Variants in CLUAP1 observed in about 807,000 individuals in gnomAD.
The protein encoded by CLUAP1 is intraflagellar transport 38.
In CLUAP1, 50 loss-of-function variants were observed where a neutral mutation model predicts 55.0. The observed-to-expected ratio is 0.91, with a 90% CI of 0.72 to 1.15. The LOEUF (loss-of-function observed/expected upper bound fraction) is 1.15, where lower values mean the gene tolerates loss of function less well. Ranked by LOEUF, CLUAP1 falls within the 50% of genes most tolerant of loss-of-function variation. The pLI is 0.00. For synonymous variants in CLUAP1, 195 were observed against 175.4 expected (o/e 1.11, Z -0.88); for missense variants, 530 against 507.6 (o/e 1.04, Z -0.42).
At chr16:3,496,868 C>CCTTTCT, upstream of CLUAP1, 1 of 264,784 alleles carries the variant, frequency 3.8e-6, no homozygotes. Flanking sequence ...TTCTTTTTTT[C>CCTTTCT]TTTTCTTTTT....
At chr16:3,511,597 G>C (rs1872014325) in intron 4 of CLUAP1, among the ~76,000 whole-genome samples, 1 of 152,184 alleles carries the variant, frequency 6.6e-6, no homozygotes, top group South Asian at 2.1e-4. Context: ...CTGTCCCTTT[G>C]TGTGGCCGCT....
chr16:3,510,979 G>A (rs2037613847), intron 4 of CLUAP1, among the ~76,000 whole-genome samples: 1 of 152,204 alleles, frequency 6.6e-6, no homozygotes, highest in Non-Finnish European at 1.5e-5. Context: ...AAAGCCTTGA[G>A]GGTAGGAGCA....
In CLUAP1 at chr16:3,526,345, G is replaced by A. The variant is rs140345617; in HGVS notation, c.856-67G>A. 3.7e-4 allele frequency: 395 copies of A among 1,063,106 alleles called. 5 individuals carry two copies. In the East Asian group the frequency reaches 9.2e-3, roughly 25 times the overall value. 65.9% of individuals were successfully genotyped at this position (1,063,106 alleles called of 1,614,324 possible). A position where few individuals can be genotyped will look rare whatever the true frequency, so the allele number is the denominator to read the frequency against. ...ACAAACTTAGCAGTCCTTACACAGT[G>A]GTGAAGAAGAATAGAACAGTCCAGA... On this transcript the variant is annotated intron_variant, in intron 8 of 11. Coordinates refer to ENST00000576634, the MANE Select transcript of CLUAP1 (RefSeq NM_015041.3).
intron 1 of CLUAP1, 38 bp downstream of exon 1, chr16:3,501,127 C>G (rs1214076828): frequency 1.3e-6 from 2 of 1,568,138 alleles, no homozygotes; most frequent in East Asian, 2.3e-5. Context: ...TGCGGGTCTT[C>G]CAGAGATTCA....
chr16:3,529,842 A>G (rs190324585), intron 9 of CLUAP1, among the ~76,000 whole-genome samples: 2 of 44,888 alleles, frequency 4.5e-5, no homozygotes, highest in African/African-American at 1.0e-4. Flanking sequence ...ATAATATATT[A>G]TATAATATAT....
chr16:3,501,031 G>A lies in CLUAP1; in HGVS notation c.-37G>A. ...TGGGCCTGTGATCGCTGAGGGGCGAGCAGTTGCGACCCTGGGCTCCTGGGG... is the reference window on the plus strand; with the variant it reads ...TGGGCCTGTGATCGCTGAGGGGCGAACAGTTGCGACCCTGGGCTCCTGGGG... On this transcript the variant is annotated 5_prime_UTR_variant, in exon 1 of 12. Coordinates refer to ENST00000576634, the MANE Select transcript of CLUAP1 (RefSeq NM_015041.3). 6.3e-7 allele frequency: 1 copy of A among 1,593,760 alleles called. No individual in the cohort carries two copies. The highest frequency in any genetic ancestry group is 8.5e-7 in the Non-Finnish European group (1 of 1,172,676).
intron 4 of CLUAP1, among the ~76,000 whole-genome samples, chr16:3,509,385 G>A (rs1034289449): frequency 2.0e-5 from 3 of 152,196 alleles, no homozygotes; most frequent in African/African-American, 2.4e-5. Context: ...GGTGGGAATC[G>A]TTGGGATCCA....
At chr16:3,528,944 T>TA (rs2038001929) in intron 9 of CLUAP1, among the ~76,000 whole-genome samples, 1 of 152,164 alleles carries the variant, frequency 6.6e-6, no homozygotes, top group Admixed American at 6.5e-5. Flanking sequence ...ATTAATGTCT[T>TA]AGTCTGTTTT....
Position 3,530,594 on chromosome 16 carries a change from C to G in CLUAP1, c.955C>G (p.Gln319Glu), listed in dbSNP as rs2038094713. Reference protein sequence around the residue: ...GSNDDSDIDIQEDDESDSELE... With the variant: ...GSNDDSDIDIEEDDESDSELE... ...TAACGATGACTCGGACATAGACATCCAGGAGGACGATGAATCCGACAGTGA... is the reference window on the plus strand; with the variant it reads ...TAACGATGACTCGGACATAGACATCGAGGAGGACGATGAATCCGACAGTGA... The change falls in exon 10 of 12, where the codon CAG becomes GAG. Residue 319 changes from glutamine (Q) to glutamate (E), a missense_variant. Gln to Glu is a conservative substitution (Grantham distance 29, BLOSUM62 2). Coordinates refer to ENST00000576634, the MANE Select transcript of CLUAP1 (RefSeq NM_015041.3). 1 of 1,613,902 alleles carries G rather than the reference C, an allele frequency of 6.2e-7. No individual in the cohort carries two copies. The highest frequency in any genetic ancestry group is 1.1e-5 in the South Asian group (1 of 91,062).
chr16:3,496,010 G>C (rs553249767), upstream of CLUAP1, among the ~76,000 whole-genome samples: 37 of 152,178 alleles, frequency 2.4e-4, no homozygotes, highest in South Asian at 2.3e-3. Context: ...GCGTCGTGGC[G>C]GGAGCCTGTA....
At chr16:3,508,680 C>T (rs908595989) in intron 4 of CLUAP1, among the ~76,000 whole-genome samples, 1 of 152,204 alleles carries the variant, frequency 6.6e-6, no homozygotes. Flanking sequence ...AGGTAGCATT[C>T]AAGCGCTGAG....
At chr16:3,516,731 A>G (rs2037736344) in intron 6 of CLUAP1, among the ~76,000 whole-genome samples, 2 of 152,240 alleles carry the variant, frequency 1.3e-5, no homozygotes, top group Non-Finnish European at 2.9e-5. Flanking sequence ...ACATACACGT[A>G]GAGACACCCA....
chr16:3,527,817 C>A (rs1184943319), intron 9 of CLUAP1, among the ~76,000 whole-genome samples: 1 of 152,124 alleles, frequency 6.6e-6, no homozygotes, highest in Non-Finnish European at 1.5e-5. Flanking sequence ...TGTCTCTCTG[C>A]CTCAGCTGCC....
rs777223161 is a variant in CLUAP1 at position 3,532,772 on chromosome 16, TTTG to T, written c.1037-8_1037-6del. Reference sequence around the variant, plus strand: ...AAGATTTTTATGACTTCTTCATGCTTTTGTTGTTCTCAGGAAGACCTGGCAAAC... The same window carrying T: ...AAGATTTTTATGACTTCTTCATGCTTTTGTTCTCAGGAAGACCTGGCAAAC... On this transcript the variant is annotated splice_polypyrimidine_tract_variant and intron_variant, in intron 10 of 11. Transcript: ENST00000576634. 5.0e-6 allele frequency: 8 copies of T among 1,613,848 alleles called. No individual in the cohort carries two copies. The African/African-American group carries it at 1.1e-4, about 22-fold the overall frequency.
At chr16:3,511,820 C>T (rs116592065) in intron 4 of CLUAP1, among the ~76,000 whole-genome samples, 2,648 of 152,258 alleles carry the variant, frequency 0.017, 88 homozygotes, top group African/African-American at 0.057. Flanking sequence ...TGGGGAAGCA[C>T]ATGTTTGTGG....
Position 3,508,365 on chromosome 16 carries a change from A to G in CLUAP1, c.296A>G (p.Lys99Arg), listed in dbSNP as rs912929687. Residue 99 changes from lysine (K) to arginine (R), a missense_variant, in exon 4 of 12, where the codon AAG (lysine) becomes AGG (arginine). Lys to Arg is a conservative substitution (Grantham distance 26). Transcript: ENST00000576634. The stretch of plus-strand genomic sequence containing the variant: ...GGGTATGCGGTAAAAGAGCTGCTGA[A>G]GATCACATCTGTCCTTTATAATGCT... ...ADGYAVKELLKITSVLYNAMK... is the reference protein window; with the variant it reads ...ADGYAVKELLRITSVLYNAMK... 17 of 1,610,656 alleles carry G rather than the reference A, an allele frequency of 1.1e-5. No individual in the cohort carries two copies. Among genetic ancestry groups the G allele is most frequent in the African/African-American group, 1.3e-5 (1 of 74,690 alleles).
chr16:3,503,591 C>T (rs1020658644), intron 1 of CLUAP1, among the ~76,000 whole-genome samples: 9 of 150,092 alleles, frequency 6.0e-5, no homozygotes, highest in Non-Finnish European at 1.2e-4. Context: ...CCACCCGCGC[C>T]TGGCCTTTTT....
In CLUAP1 at chr16:3,536,146, G is replaced by A; in HGVS notation, c.1117G>A (p.Asp373Asn). ...GGAGGACTCGGAGGAGAGTGAAATT[G>A]ACATGGAAGATGATGATGACGAGGA... ...DNEDSEESEIDMEDDDDEDDD... is the reference protein window; with the variant it reads ...DNEDSEESEINMEDDDDEDDD... The change falls in exon 12 of 12, where the codon GAC (aspartate) becomes AAC (asparagine). Residue 373 changes from aspartate (D) to asparagine (N), a missense_variant. Physicochemically the swap from Asp to Asn is conservative, Grantham distance 23 (BLOSUM62 1). Transcript: ENST00000576634. The A allele has an allele frequency of 6.2e-7, 1 of 1,614,172 alleles. No homozygotes were observed.
chr16:3,534,152 C>T (rs1361940547), intron 11 of CLUAP1: 4 of 152,098 alleles, frequency 2.6e-5, no homozygotes, highest in Non-Finnish European at 4.4e-5. Context: ...CTTCATGGCT[C>T]ACACCCCAGC....
Sources: gnomAD v4.1 joint callset for allele counts (sites outside exome capture counted in the v4.1 genomes callset) on GRCh38, gnomAD v4.1.1 for gene constraint, MANE v1.5 for transcripts, NCBI Gene and HGNC (gene_info 2026-07-23, HGNC 2026-07-21) for gene names.